Variants in RNFT2 observed in about 807,000 individuals in gnomAD.
RNFT2 encodes E3 ubiquitin-protein ligase RNFT2.
A neutral mutation model predicts 53.0 loss-of-function variants in RNFT2; 36 were observed. The ratio of observed to expected loss-of-function variants is 0.68; its 90% confidence interval spans 0.52 to 0.90. RNFT2 has a LOEUF of 0.90. RNFT2 is among the 40% of genes least tolerant of loss of function. RNFT2 has a pLI of 0.00. For missense variants in RNFT2, 514 were observed against 585.6 expected, an observed-to-expected ratio of 0.88 and a Z score of 1.26; for synonymous variants, 260 against 253.2, an observed-to-expected ratio of 1.03 and a Z score of -0.26.
chr12:116,749,348 G>T (rs1352697705), intron 3 of RNFT2, among the ~76,000 whole-genome samples: 1 of 140,694 alleles, frequency 7.1e-6, no homozygotes, highest in Non-Finnish European at 1.5e-5. Context: ...CGAGATCTTG[G>T]CTCACTACAG....
In RNFT2 at chr12:116,849,388, C is replaced by T. The variant is rs770229793; in HGVS notation, c.1275C>T (p.Ala425=). The change falls in exon 11 of 11, where the codon GCC becomes GCT. Residue 425 remains alanine, a synonymous_variant. Transcript: ENST00000257575. The part of the protein sequence containing the change: ...ERTCPLCRSV[A]VDTLRCWKDG... ...CCTGCCCGCTCTGCCGCTCGGTCGC[C>T]GTGGACACCCTGCGCTGCTGGAAGG... 115 of 1,566,962 alleles carry T rather than the reference C, an allele frequency of 7.3e-5. No homozygotes were observed. In the South Asian group the frequency reaches 1.0e-3, roughly 14 times the overall value.
intron 7 of RNFT2, among the ~76,000 whole-genome samples, chr12:116,791,064 T>A (rs943195044): frequency 6.6e-6 from 1 of 152,222 alleles, no homozygotes; most frequent in African/African-American, 2.4e-5. Flanking sequence ...ACCACCTCTG[T>A]CTAGTTCCAA....
intron 7 of RNFT2, among the ~76,000 whole-genome samples, chr12:116,807,053 C>G (rs1029707168): frequency 1.3e-5 from 2 of 152,172 alleles, no homozygotes; most frequent in African/African-American, 4.8e-5. Flanking sequence ...TCACACTTAC[C>G]GCATGGCAGG....
intron 6 of RNFT2, among the ~76,000 whole-genome samples, chr12:116,773,135 A>G (rs1873276270): frequency 1.3e-5 from 2 of 151,886 alleles, no homozygotes; most frequent in South Asian, 4.2e-4. Context: ...CCAATTTTTC[A>G]TAATTTTAAT....
intron 3 of RNFT2, among the ~76,000 whole-genome samples, chr12:116,746,018 C>T (rs768356270): frequency 2.0e-5 from 3 of 152,146 alleles, no homozygotes; most frequent in Non-Finnish European, 4.4e-5. Context: ...GGGTGGATCA[C>T]TTGAGCTCCG....
intron 7 of RNFT2, among the ~76,000 whole-genome samples, chr12:116,800,709 G>C (rs1874730130): frequency 6.6e-6 from 1 of 151,864 alleles, no homozygotes; most frequent in Non-Finnish European, 1.5e-5. Flanking sequence ...AGCTACTCAG[G>C]GGGCTGAGGC....
Position 116,851,232 on chromosome 12 carries a change from A to T in RNFT2, c.*1784A>T, listed in dbSNP as rs1489957354. The stretch of plus-strand genomic sequence containing the variant: ...CAGAACCCACATCTAAAAAAAAATA[A>T]ATTTATTAGAGATGAGGTTTCTAAT... On this transcript the variant is annotated 3_prime_UTR_variant, in exon 11 of 11. Transcript: ENST00000257575. 1 of 152,184 alleles carries T rather than the reference A, an allele frequency of 6.6e-6. No homozygotes were observed. The highest frequency in any genetic ancestry group is 1.5e-5 in the Non-Finnish European group (1 of 68,222). The allele number at this position is 152,184 out of a possible 1,614,324, so 9.4% of individuals were successfully genotyped here. A position where few individuals can be genotyped will look rare whatever the true frequency, so the allele number is the denominator to read the frequency against.
intron 10 of RNFT2, among the ~76,000 whole-genome samples, chr12:116,841,872 T>TATATATAAAA: frequency 4.0e-5 from 1 of 25,172 alleles, no homozygotes; most frequent in African/African-American, 1.6e-4. Context: ...TATATATAAA[T>TATATATAAAA]ATATATATAA....
intron 10 of RNFT2, among the ~76,000 whole-genome samples, chr12:116,836,742 T>C (rs1876995078): frequency 6.6e-6 from 1 of 151,814 alleles, no homozygotes; most frequent in Non-Finnish European, 1.5e-5. Flanking sequence ...TGGGCCAACA[T>C]GGTGAAACCC....
chr12:116,750,862 T>C (rs368983165), intron 4 of RNFT2, among the ~76,000 whole-genome samples: 1,059 of 5,192 alleles, frequency 0.2, 33 homozygotes, highest in Admixed American at 0.27. Context: ...ATATATATTA[T>C]ATATATATAA....
intron 7 of RNFT2, among the ~76,000 whole-genome samples, chr12:116,784,571 A>C (rs1873849695): frequency 6.6e-6 from 1 of 152,094 alleles, no homozygotes; most frequent in Non-Finnish European, 1.5e-5. Flanking sequence ...ACCCATTTTC[A>C]AGAAGGAACT....
intron 7 of RNFT2, among the ~76,000 whole-genome samples, chr12:116,814,139 A>G (rs1449499657): frequency 6.6e-6 from 1 of 152,178 alleles, no homozygotes; most frequent in Non-Finnish European, 1.5e-5. Context: ...TGTAGAAGCC[A>G]GTCACCATGC....
At chr12:116,838,529 G>A (rs1019458009) in intron 10 of RNFT2, among the ~76,000 whole-genome samples, 2 of 152,172 alleles carry the variant, frequency 1.3e-5, no homozygotes, top group African/African-American at 4.8e-5. Context: ...ACAGCCGCTT[G>A]CTTCTTCCCT....
chr12:116,822,245 A>T (rs1055801973), intron 7 of RNFT2, among the ~76,000 whole-genome samples: 1 of 152,032 alleles, frequency 6.6e-6, no homozygotes, highest in African/African-American at 2.4e-5. Flanking sequence ...CCAATCATAG[A>T]ACCCCATGAC....
At chr12:116,815,859 CCAGCAGGA>C (rs138264117) in intron 7 of RNFT2, among the ~76,000 whole-genome samples, 3,221 of 151,792 alleles carry the variant, frequency 0.021, 118 homozygotes, top group African/African-American at 0.073. Flanking sequence ...AGTCACCCTC[CCAGCAGGA>C]CAGATCCACA....
rs187841748 is a variant in RNFT2, at chr12:116,807,596, C to G, written c.883-26196C>G. Among the ~76,000 whole-genome samples, 20 of 152,218 alleles carry G rather than the reference C, an allele frequency of 1.3e-4. 1 individual carries two copies. The East Asian group carries it at 3.7e-3, about 28-fold the overall frequency. ...CTGCATGATTCTGCCTCTCCCCGCA[C>G]CATTCCCCACTCGCACTCCCCTGAC... On this transcript the variant is annotated intron_variant, in intron 7 of 10. Transcript: ENST00000257575.
chr12:116,790,491 C>G (rs1196804828), intron 7 of RNFT2, among the ~76,000 whole-genome samples: 1 of 152,192 alleles, frequency 6.6e-6, no homozygotes, highest in Non-Finnish European at 1.5e-5. Context: ...TGCAAAAGAG[C>G]GCAAACCTTG....
intron 7 of RNFT2, among the ~76,000 whole-genome samples, chr12:116,808,659 A>G (rs1875203650): frequency 6.6e-6 from 1 of 152,166 alleles, no homozygotes; most frequent in Non-Finnish European, 1.5e-5. Flanking sequence ...ACCTCAGACA[A>G]TGGAAGACAA....
chr12:116,746,161 C>T (rs921070500), intron 3 of RNFT2, among the ~76,000 whole-genome samples: 3 of 152,032 alleles, frequency 2.0e-5, no homozygotes, highest in Admixed American at 6.6e-5. Context: ...CACTTGAGCC[C>T]GGGAGGCAGA....
Sources: gnomAD v4.1 joint callset for allele counts (sites outside exome capture counted in the v4.1 genomes callset) on GRCh38, gnomAD v4.1.1 for gene constraint, MANE v1.5 for transcripts, NCBI Gene and HGNC (gene_info 2026-07-23, HGNC 2026-07-21) for gene names.